The following MYLK variants were observed in gnomAD, a reference collection of about 807,000 sequenced individuals.
MYLK encodes the protein myosin light chain kinase, smooth muscle.
In MYLK, 106 loss-of-function variants were observed where a neutral mutation model predicts 203.4. That is an observed-to-expected ratio of 0.52 (90% CI 0.45 to 0.61). MYLK has a LOEUF of 0.61. Among genes scored for constraint, MYLK ranks in the 20% least tolerant of loss-of-function variants. The pLI is 0.00. For synonymous variants in MYLK, 867 were observed against 959.5 expected, an observed-to-expected ratio of 0.90 and a Z score of 1.78; for missense variants, 2,072 against 2,442.3, an observed-to-expected ratio of 0.85 and a Z score of 3.20.
In MYLK at chr3:123,640,535, C is replaced by T. The variant is rs1248281956; in HGVS notation, c.4620-31G>A. 2.5e-6 allele frequency: 4 copies of T among 1,611,816 alleles called. No homozygotes were observed. In the East Asian group the frequency reaches 6.7e-5, roughly 27 times the overall value. ...GGAACACGTGCACGGGGTGGTCAGG[C>T]CACAGGCTCATGGAGGCCAGGCTGG... On this transcript the variant is annotated intron_variant, in intron 27 of 33. Coordinates refer to ENST00000360304, the MANE Select transcript of MYLK (RefSeq NM_053025.4). The surrounding 1 kb of genome is among the most constrained non-coding windows in gnomAD (Gnocchi z 4.3).
At chr3:123,752,740 G>T (rs1320029091) in intron 4 of MYLK, among the ~76,000 whole-genome samples, 1 of 152,192 alleles carries the variant, frequency 6.6e-6, no homozygotes, top group African/African-American at 2.4e-5. Flanking sequence ...AGGTGGCAAA[G>T]TCAGGCATCC....
At chr3:123,823,949 G>T (rs1011902707) in intron 3 of MYLK, among the ~76,000 whole-genome samples, 3 of 152,024 alleles carry the variant, frequency 2.0e-5, no homozygotes, top group Admixed American at 2.0e-4. Flanking sequence ...ATCTTCTCAA[G>T]ACCCCCTCCT....
chr3:123,818,953 G>C (rs1485955190), intron 3 of MYLK, among the ~76,000 whole-genome samples: 1 of 152,142 alleles, frequency 6.6e-6, no homozygotes, highest in Non-Finnish European at 1.5e-5. Flanking sequence ...CCTCCACCTA[G>C]ATATTCCAGT....
chr3:123,857,590 T>C (rs1315174354), intron 2 of MYLK, among the ~76,000 whole-genome samples: 2 of 140,650 alleles, frequency 1.4e-5, no homozygotes, highest in African/African-American at 2.7e-5. Flanking sequence ...AGGTGGGAAT[T>C]GAACAATGAG....
intron 24 of MYLK, among the ~76,000 whole-genome samples, chr3:123,656,771 T>C (rs1395234753): frequency 6.6e-6 from 1 of 152,168 alleles, no homozygotes; most frequent in Non-Finnish European, 1.5e-5. Context: ...TCCAAGAATC[T>C]GACACCAAGT....
chr3:123,635,917 A>C (rs532531068), intron 29 of MYLK, among the ~76,000 whole-genome samples: 2 of 152,364 alleles, frequency 1.3e-5, no homozygotes, highest in East Asian at 3.9e-4. Flanking sequence ...GAGAATAAAC[A>C]GTCTACAATG....
At chr3:123,847,161 T>C (rs2148659402) in intron 2 of MYLK, among the ~76,000 whole-genome samples, 1 of 152,210 alleles carries the variant, frequency 6.6e-6, no homozygotes, top group East Asian at 1.9e-4. Context: ...TAGTATTGGG[T>C]ATTACATATA....
intron 27 of MYLK, among the ~76,000 whole-genome samples, chr3:123,643,338 C>G (rs1391404225): frequency 6.6e-6 from 1 of 152,118 alleles, no homozygotes; most frequent in East Asian, 1.9e-4. Context: ...TCTGAAAAAG[C>G]AAGCAACCAT....
intron 2 of MYLK, among the ~76,000 whole-genome samples, chr3:123,838,015 T>C (rs2066513894): frequency 6.6e-6 from 1 of 152,112 alleles, no homozygotes; most frequent in Non-Finnish European, 1.5e-5. Context: ...ACTTACATAA[T>C]AATTAAGCAT....
intron 24 of MYLK, 43 bp downstream of exon 24, chr3:123,657,083 C>A: frequency 3.7e-6 from 6 of 1,606,664 alleles, no homozygotes; most frequent in Non-Finnish European, 4.3e-6. Flanking sequence ...AGGTCAGTCA[C>A]GCACATTTGT....
At chr3:123,753,540 A>G (rs1362908022) in intron 4 of MYLK, among the ~76,000 whole-genome samples, 8 of 150,394 alleles carry the variant, frequency 5.3e-5, no homozygotes, top group Non-Finnish European at 8.8e-5. Flanking sequence ...CAGTGGTGCA[A>G]TCATCTGAGT....
chr3:123,705,773 C>T (rs1425092053), intron 16 of MYLK, among the ~76,000 whole-genome samples: 2 of 152,148 alleles, frequency 1.3e-5, no homozygotes, highest in African/African-American at 2.4e-5. Context: ...AACAGCTAAG[C>T]CTTATCACAT....
At chr3:123,760,254 C>T (rs1020315044) in intron 4 of MYLK, among the ~76,000 whole-genome samples, 1 of 152,222 alleles carries the variant, frequency 6.6e-6, no homozygotes, top group African/African-American at 2.4e-5. Flanking sequence ...TCTTGGCTCA[C>T]CGCAACCTCC....
chr3:123,765,518 G>A (rs1234340371), intron 4 of MYLK, among the ~76,000 whole-genome samples: 1 of 147,426 alleles, frequency 6.8e-6, no homozygotes, highest in Non-Finnish European at 1.5e-5. Flanking sequence ...GTAACAGAGT[G>A]AGATTCCACC....
intron 20 of MYLK, 31 bp from the exon 21 acceptor site, chr3:123,667,218 T>G: frequency 6.2e-7 from 1 of 1,611,158 alleles, no homozygotes; most frequent in Non-Finnish European, 8.5e-7. Flanking sequence ...AGTTATTTCC[T>G]GTAGTTCTGT....
At chr3:123,709,134 A>ATTTTTTTT (rs1161776768) in intron 14 of MYLK, 3 of 168,482 alleles carry the variant, frequency 1.8e-5, no homozygotes, top group African/African-American at 3.4e-5. Flanking sequence ...TTCTCACATA[A>ATTTTTTTT]TTTTTTTTTT....
intron 1 of MYLK, among the ~76,000 whole-genome samples, chr3:123,879,395 C>T (rs1171589434): frequency 1.3e-5 from 2 of 152,042 alleles, no homozygotes; most frequent in East Asian, 1.9e-4. Flanking sequence ...CTTCAGACAC[C>T]GGAGCCAAAT....
intron 4 of MYLK, among the ~76,000 whole-genome samples, chr3:123,755,174 C>T (rs2063324060): frequency 1.3e-5 from 2 of 152,186 alleles, no homozygotes; most frequent in Non-Finnish European, 2.9e-5. Flanking sequence ...AATGGGAGTG[C>T]CAAGCACTGC....
rs555157073 is a variant in MYLK at position 123,720,567 on chromosome 3, G to A, written c.1804+1561C>T. Among the ~76,000 whole-genome samples the A allele has an allele frequency of 2.6e-5, 4 of 152,346 alleles. No individual in the cohort carries two copies. The South Asian group carries it at 8.3e-4, about 32-fold the overall frequency. Reference sequence around the variant, plus strand: ...GACCTCAGAGACAAGGTTCTCAGCAGTTCAGGTTTCCTCTGAAATCTCATT... The same window carrying A: ...GACCTCAGAGACAAGGTTCTCAGCAATTCAGGTTTCCTCTGAAATCTCATT... On this transcript the variant is annotated intron_variant, in intron 13 of 33. Coordinates refer to ENST00000360304, the MANE Select transcript of MYLK (RefSeq NM_053025.4).
Sources: allele counts gnomAD v4.1 joint callset (sites outside exome capture counted in the v4.1 genomes callset), GRCh38; gene constraint gnomAD v4.1.1; non-coding constraint Gnocchi (gnomAD v3.1); transcripts MANE v1.5; gene names NCBI Gene and HGNC (gene_info 2026-07-23, HGNC 2026-07-21).